Variants in PRR33 observed in about 807,000 individuals in gnomAD.
PRR33 encodes the protein proline-rich protein 33.
PRR33 carries 1 observed loss-of-function variant against 0.5 expected under a neutral mutation model. That is an observed-to-expected ratio of 2.18 (90% CI 0.77 to 10.34). The LOEUF (loss-of-function observed/expected upper bound fraction) is 10.34, where lower values mean the gene tolerates loss of function less well. Among genes scored for constraint, PRR33 ranks in the 30% most tolerant of loss-of-function variants. The pLI, the probability that PRR33 is intolerant of heterozygous loss-of-function variation, is 0.13. For synonymous variants in PRR33, 226 were observed against 110.0 expected, an observed-to-expected ratio of 2.06 and a Z score of -6.60; for missense variants, 552 against 251.8, an observed-to-expected ratio of 2.19 and a Z score of -8.07.
At chr11:1,889,667 G>A (rs1565091196) in exon 1 of PRR33, 5 of 632,032 alleles carry the variant, frequency 7.9e-6, no homozygotes, top group South Asian at 1.9e-5. Context: ...ACACTCGCTC[G>A]GCCTCAGCGG....
At chr11:1,888,205 G>T (rs983435207) in exon 1 of PRR33, among the ~76,000 whole-genome samples, 4 of 152,182 alleles carry the variant, frequency 2.6e-5, no homozygotes, top group African/African-American at 9.7e-5. Flanking sequence ...CTCTCAAGCA[G>T]CTGTGGCAGA....
chr11:1,902,180 A>C, the PRR33 span, among the ~76,000 whole-genome samples: 190 of 151,592 alleles, frequency 1.3e-3, no homozygotes, highest in Middle Eastern at 6.8e-3. Context: ...TGCAGTGAGC[A>C]GAGATCGCGC....
exon 1 of PRR33, chr11:1,889,885 T>C (rs11041692): frequency 0.92 from 574,823 of 627,426 alleles, 263,920 homozygotes; most frequent in East Asian, 1. Flanking sequence ...GCCTGGACTG[T>C]GGTGGGCAGT....
the PRR33 span, among the ~76,000 whole-genome samples, chr11:1,915,198 C>G: frequency 8.3e-5 from 10 of 120,652 alleles, no homozygotes; most frequent in African/African-American, 1.9e-4. Flanking sequence ...TGATGTTTCT[C>G]TGTGTGTGTG....
upstream of PRR33, among the ~76,000 whole-genome samples, chr11:1,893,304 G>T (rs1849069539): frequency 6.6e-6 from 1 of 151,546 alleles, no homozygotes; most frequent in Non-Finnish European, 1.5e-5. Flanking sequence ...ATGAATAGGG[G>T]ATGGATGAAT....
chr11:1,897,904 C>T, the PRR33 span, among the ~76,000 whole-genome samples: 8 of 152,242 alleles, frequency 5.3e-5, no homozygotes, highest in Admixed American at 3.3e-4. The surrounding 1 kb of genome is among the most constrained non-coding windows in gnomAD (Gnocchi z 4.0). Flanking sequence ...ATATTTAATA[C>T]CAAGAATGTG....
chr11:1,912,266 G>A, the PRR33 span, among the ~76,000 whole-genome samples: 1 of 150,624 alleles, frequency 6.6e-6, no homozygotes, highest in African/African-American at 2.5e-5. Flanking sequence ...CTTGGTAGGA[G>A]GTTTAACTAC....
the PRR33 span, among the ~76,000 whole-genome samples, chr11:1,916,244 C>A: frequency 2.0e-5 from 3 of 152,080 alleles, no homozygotes; most frequent in East Asian, 1.9e-4. Context: ...GAAGTCCCTT[C>A]GAGGAGCAGC....
exon 1 of PRR33, chr11:1,888,802 G>T: frequency 4.0e-6 from 1 of 248,794 alleles, no homozygotes; most frequent in Non-Finnish European, 7.6e-6. Flanking sequence ...GGCCCCTGAG[G>T]AGCCTGGGCT....
chr11:1,908,454 T>A, the PRR33 span, among the ~76,000 whole-genome samples: 1 of 152,084 alleles, frequency 6.6e-6, no homozygotes, highest in Non-Finnish European at 1.5e-5. Context: ...TTTCAAAAGT[T>A]TTTTTCTTAC....
the PRR33 span, among the ~76,000 whole-genome samples, chr11:1,913,315 G>GC: frequency 3.5e-5 from 5 of 143,970 alleles, no homozygotes; most frequent in South Asian, 1.1e-3. Flanking sequence ...TTTTTTTTTT[G>GC]TTTTTTTTTT....
At chr11:1,904,392 G>C in the PRR33 span, among the ~76,000 whole-genome samples, 2 of 152,074 alleles carry the variant, frequency 1.3e-5, no homozygotes, top group African/African-American at 2.4e-5. Context: ...AGCCAGGCAT[G>C]GTGGTGCATG....
chr11:1,900,178 T>A, the PRR33 span, among the ~76,000 whole-genome samples: 7 of 152,178 alleles, frequency 4.6e-5, no homozygotes, highest in African/African-American at 1.2e-4. Flanking sequence ...CATGTGTCCA[T>A]GCTTGATGCT....
the PRR33 span, among the ~76,000 whole-genome samples, chr11:1,906,149 T>C: frequency 6.6e-6 from 1 of 152,134 alleles, no homozygotes; most frequent in Admixed American, 6.6e-5. Flanking sequence ...ATAGGGGAGT[T>C]TAGCCCATTG....
exon 1 of PRR33, chr11:1,888,898 CTG>C (rs1848865643): frequency 4.6e-6 from 2 of 437,154 alleles, no homozygotes; most frequent in Non-Finnish European, 8.1e-6. Flanking sequence ...GACCCCTTCT[CTG>C]TTCCCCTCAC....
the PRR33 span, among the ~76,000 whole-genome samples, chr11:1,908,965 C>T: frequency 6.6e-6 from 1 of 152,230 alleles, no homozygotes; most frequent in Non-Finnish European, 1.5e-5. Context: ...CTTTCAGAAA[C>T]AAGAATTGAC....
chr11:1,916,429 T>C, the PRR33 span, among the ~76,000 whole-genome samples: 19 of 152,072 alleles, frequency 1.2e-4, no homozygotes, highest in Non-Finnish European at 2.6e-4. Context: ...GCCCCCATCC[T>C]TTCTCAGATG....
the PRR33 span, among the ~76,000 whole-genome samples, chr11:1,904,691 A>G: frequency 6.6e-6 from 1 of 151,268 alleles, no homozygotes; most frequent in Non-Finnish European, 1.5e-5. Context: ...CATTTTTAGT[A>G]CAGATGGGGG....
At chr11:1,890,070 C>G (rs777810379) in exon 1 of PRR33, 4 of 713,124 alleles carry the variant, frequency 5.6e-6, no homozygotes, top group Non-Finnish European at 1.0e-5. Flanking sequence ...GCCCCCACCC[C>G]CAGAGACAGG....
Sources: gnomAD v4.1 joint callset for allele counts (sites outside exome capture counted in the v4.1 genomes callset) on GRCh38, gnomAD v4.1.1 for gene constraint, Gnocchi (gnomAD v3.1) non-coding constraint, MANE v1.5 for transcripts, NCBI Gene and HGNC (gene_info 2026-07-23, HGNC 2026-07-21) for gene names.